Variants in FRRS1L observed in about 807,000 individuals in gnomAD.
FRRS1L encodes DOMON domain-containing protein FRRS1L.
In FRRS1L, 22 loss-of-function variants were observed where a neutral mutation model predicts 28.6. That is an observed-to-expected ratio of 0.77 (90% CI 0.55 to 1.10). FRRS1L has a LOEUF of 1.10. FRRS1L is among the 50% of genes least tolerant of loss of function. FRRS1L has a pLI of 0.00. For missense variants in FRRS1L, 380 were observed against 386.9 expected, an observed-to-expected ratio of 0.98 and a Z score of 0.15; for synonymous variants, 158 against 151.4, an observed-to-expected ratio of 1.04 and a Z score of -0.32.
chr9:109,140,272 T>C (rs55929131), intron 4 of FRRS1L: 22,766 of 152,184 alleles, frequency 0.15, 1,947 homozygotes, highest in African/African-American at 0.18. Flanking sequence ...GGCAATATGG[T>C]GAAACCCTGT....
At chr9:109,156,450 A>G (rs1396916488) in intron 1 of FRRS1L, among the ~76,000 whole-genome samples, 2 of 152,016 alleles carry the variant, frequency 1.3e-5, no homozygotes, top group Non-Finnish European at 2.9e-5. Context: ...GTGCAGTGGC[A>G]CGATCTCGCC....
chr9:109,146,943 A>T, intron 3 of FRRS1L, 108 bp downstream of exon 3: 5 of 1,008,794 alleles, frequency 5.0e-6, no homozygotes, highest in Non-Finnish European at 7.4e-6. Flanking sequence ...GAGAGCCATA[A>T]CTAATTTGAT....
Position 109,141,441 on chromosome 9 carries a change from C to T in FRRS1L, c.611G>A (p.Cys204Tyr). ...EGVFENNRVT[C>Y]RFKRPVNVPR... ...AACATTCACAGGGCGTTTAAATCTG[C>T]AGGTGACGCGATTGTTCTCAAAAAC... Residue 204 changes from cysteine to tyrosine, a missense_variant, in exon 4 of 5, where the codon TGC (cysteine) becomes TAC (tyrosine). Cys to Tyr is a radical substitution (Grantham distance 194). Transcript: ENST00000561981. 1 of 1,614,108 alleles carries T rather than the reference C, an allele frequency of 6.2e-7. No homozygotes were observed. The highest frequency in any genetic ancestry group is 8.5e-7 in the Non-Finnish European group (1 of 1,179,990).
intron 1 of FRRS1L, among the ~76,000 whole-genome samples, chr9:109,156,087 G>A (rs1267626930): frequency 1.3e-5 from 2 of 152,114 alleles, no homozygotes; most frequent in Admixed American, 1.3e-4. Context: ...AGGATTCCCG[G>A]TAATAATCTA....
intron 4 of FRRS1L, chr9:109,139,501 TA>T (rs1831154458): frequency 6.6e-6 from 1 of 152,248 alleles, no homozygotes; most frequent in Non-Finnish European, 1.5e-5. Context: ...GAATAGGAAG[TA>T]TTATTATCCC....
At chr9:109,146,293 T>C (rs1225014197) in intron 3 of FRRS1L, among the ~76,000 whole-genome samples, 2 of 152,212 alleles carry the variant, frequency 1.3e-5, no homozygotes, top group Non-Finnish European at 2.9e-5. Flanking sequence ...GGAGATTAAC[T>C]GAACAGAAGA....
Position 109,137,187 on chromosome 9 carries a change from C to G in FRRS1L, c.*268G>C, listed in dbSNP as rs1831123181. 9.8e-6 allele frequency: 2 copies of G among 204,596 alleles called. No individual in the cohort carries two copies. Among genetic ancestry groups the G allele is most frequent in the Non-Finnish European group, 1.9e-5 (2 of 102,642 alleles). 12.7% of individuals were successfully genotyped at this position (204,596 alleles called of 1,614,324 possible). On this transcript the variant is annotated 3_prime_UTR_variant, in exon 5 of 5. Coordinates refer to ENST00000561981, the MANE Select transcript of FRRS1L (RefSeq NM_014334.4). ...GATGGCAATCACAATTTTCATCAAT[C>G]CAACTCAGAGATGTTGTGAAGTTAA...
intron 1 of FRRS1L, chr9:109,152,150 T>C (rs1256771629): frequency 7.1e-6 from 1 of 140,772 alleles, no homozygotes; most frequent in Admixed American, 7.1e-5. Flanking sequence ...ACTGGATTAT[T>C]ATCACTATTT....
chr9:109,164,396 A>AT (rs61154383), intron 1 of FRRS1L, among the ~76,000 whole-genome samples: 67,015 of 134,716 alleles, frequency 0.5, 16,963 homozygotes, highest in African/African-American at 0.53. Context: ...GAGCAGGTTG[A>AT]TTTTTTTTTT....
At chr9:109,149,009 C>T (rs1293061106) in intron 2 of FRRS1L, among the ~76,000 whole-genome samples, 1 of 152,168 alleles carries the variant, frequency 6.6e-6, no homozygotes, top group African/African-American at 2.4e-5. Flanking sequence ...TTGCCCCTGA[C>T]CATCAAATTA....
chr9:109,142,293 T>TAGTAGC lies in FRRS1L; in HGVS notation c.463-710_463-705dup, dbSNP rs11278156. 4.7e-3 allele frequency among the ~76,000 whole-genome samples: 707 copies of TAGTAGC among 151,972 alleles called. 5 individuals carry two copies. Among genetic ancestry groups the TAGTAGC allele is most frequent in the African/African-American group, 0.016 (678 of 41,390 alleles). On this transcript the variant is annotated intron_variant, in intron 3 of 4. Coordinates refer to ENST00000561981, the MANE Select transcript of FRRS1L (RefSeq NM_014334.4). Reference sequence around the variant, plus strand: ...CAATCAAAAAAATAATAATCAGTAGTAGTAGCAGTAGCAGTAGCAGTAGCA... The same window carrying TAGTAGC: ...CAATCAAAAAAATAATAATCAGTAGTAGTAGCAGTAGCAGTAGCAGTAGCAGTAGCA...
intron 1 of FRRS1L, among the ~76,000 whole-genome samples, chr9:109,153,379 C>G (rs1406363361): frequency 6.6e-6 from 1 of 152,148 alleles, no homozygotes; most frequent in Non-Finnish European, 1.5e-5. Context: ...ACTCTGGACA[C>G]TGCGGCCCAG....
chr9:109,153,155 G>A (rs986532158), intron 1 of FRRS1L, among the ~76,000 whole-genome samples: 13 of 152,152 alleles, frequency 8.5e-5, no homozygotes, highest in African/African-American at 2.4e-5. Flanking sequence ...GAGTGTTTTT[G>A]TTCTTCATGA....
In FRRS1L at chr9:109,136,360, ACTG is replaced by A. The variant is rs2118456178; in HGVS notation, c.*1092_*1094del. Reference sequence around the variant, plus strand: ...CAGTGGTAGAAAAGTTCAAATTCTAACTGCTAAGAATTCCCTTTTTTTTTTTTT... The same window carrying A: ...CAGTGGTAGAAAAGTTCAAATTCTAACTAAGAATTCCCTTTTTTTTTTTTT... On this transcript the variant is annotated 3_prime_UTR_variant, in exon 5 of 5. Transcript: ENST00000561981. The A allele has an allele frequency of 6.6e-6, 1 of 151,990 alleles. No individual in the cohort carries two copies. The highest frequency in any genetic ancestry group is 2.4e-5 in the African/African-American group (1 of 41,480). The allele number at this position is 151,990 out of a possible 1,614,324, so 9.4% of individuals were successfully genotyped here. A position where few individuals can be genotyped will look rare whatever the true frequency, so the allele number is the denominator to read the frequency against.
In FRRS1L at chr9:109,167,114, G is replaced by C; in HGVS notation, c.25C>G (p.Pro9Ala). 16 of 1,170,094 alleles carry C rather than the reference G, an allele frequency of 1.4e-5. No individual in the cohort carries two copies. The highest frequency in any genetic ancestry group is 1.5e-5 in the Non-Finnish European group (14 of 950,174). The allele number at this position is 1,170,094 out of a possible 1,614,324, so 72.5% of individuals were successfully genotyped here. A position where few individuals can be genotyped will look rare whatever the true frequency, so the allele number is the denominator to read the frequency against. ...AGGAGCAGCGACGCCCAGACCCCCGGGTGCTGCCGGGGCGGCCGCGCCATC... is the reference window on the plus strand; with the variant it reads ...AGGAGCAGCGACGCCCAGACCCCCGCGTGCTGCCGGGGCGGCCGCGCCATC... MARPPRQHPGVWASLLLLL... is the reference protein window; with the variant it reads MARPPRQHAGVWASLLLLL... Residue 9 changes from proline to alanine, a missense_variant, in exon 1 of 5, where the codon CCG becomes GCG. Transcript: ENST00000561981.
intron 1 of FRRS1L, among the ~76,000 whole-genome samples, chr9:109,152,616 A>C (rs185977272): frequency 3.1e-4 from 47 of 151,434 alleles, no homozygotes; most frequent in Admixed American, 1.1e-3. Context: ...CATCCTGGCT[A>C]ACACAGTGAA....
intron 1 of FRRS1L, chr9:109,151,249 A>T (rs1402743241): frequency 1.3e-5 from 2 of 152,254 alleles, no homozygotes; most frequent in Non-Finnish European, 2.9e-5. Flanking sequence ...CTGCTTCAGT[A>T]CTAGAGACCA....
At chr9:109,160,261 T>C (rs1831463940) in intron 1 of FRRS1L, among the ~76,000 whole-genome samples, 1 of 152,182 alleles carries the variant, frequency 6.6e-6, no homozygotes. Flanking sequence ...GATGAGTTCC[T>C]CCGCCTCCCA....
intron 4 of FRRS1L, chr9:109,138,248 A>G (rs1234492593): frequency 1.3e-5 from 2 of 152,230 alleles, no homozygotes; most frequent in Non-Finnish European, 2.9e-5. Context: ...AATGGTATAG[A>G]AAGTGGGATG....
Sources: allele counts gnomAD v4.1 joint callset (sites outside exome capture counted in the v4.1 genomes callset), GRCh38; gene constraint gnomAD v4.1.1; transcripts MANE v1.5; gene names NCBI Gene and HGNC (gene_info 2026-07-23, HGNC 2026-07-21).